Variants in NAALADL2 observed in about 807,000 individuals in gnomAD.
NAALADL2 encodes the protein inactive N-acetylated-alpha-linked acidic dipeptidase-like protein 2.
In NAALADL2, 76 loss-of-function variants were observed where a neutral mutation model predicts 87.2. The observed-to-expected ratio is 0.87, with a 90% confidence interval of 0.72 to 1.05. The LOEUF is 1.05. Ranked by LOEUF, NAALADL2 falls within the 50% of genes least tolerant of loss-of-function variation. The probability of loss-of-function intolerance (pLI) is 0.00; values close to 1 mark genes in which losing one functional copy is unlikely to be tolerated. For synonymous variants in NAALADL2, 354 were observed against 331.0 expected (o/e 1.07, Z -0.75); for missense variants, 1,089 against 945.8 (o/e 1.15, Z -1.99).
intron 11 of NAALADL2, among the ~76,000 whole-genome samples, chr3:175,669,986 T>C (rs1262125641): frequency 1.3e-5 from 2 of 152,012 alleles, no homozygotes; most frequent in African/African-American, 2.4e-5. Flanking sequence ...AAATCAGTAA[T>C]ATAAAAATGT....
rs148736479 is a variant in NAALADL2, at chr3:174,732,312, C to T, written c.-114-5329C>T. Among the ~76,000 whole-genome samples the T allele has an allele frequency of 7.7e-3, 1,162 of 151,768 alleles. 16 individuals carry two copies. The highest frequency in any genetic ancestry group is 0.027 in the Middle Eastern group (8 of 294). The stretch of plus-strand genomic sequence containing the variant: ...GCTGGAATAGATTTTATGAAATAAG[C>T]GAATCATGGAAAATAAGTAGAAACT... On this transcript the variant is annotated intron_variant, in intron 2 of 3. Coordinates refer to the NAALADL2 transcript ENST00000434257.
At chr3:175,648,492 C>CT (rs530477119) in intron 11 of NAALADL2, among the ~76,000 whole-genome samples, 9,700 of 127,608 alleles carry the variant, frequency 0.076, 469 homozygotes, top group African/African-American at 0.15. Context: ...AGACAATTTT[C>CT]TTTTTTTTTT....
chr3:174,947,646 TA>T (rs1377512828), intron 1 of NAALADL2, among the ~76,000 whole-genome samples: 4 of 152,094 alleles, frequency 2.6e-5, no homozygotes. Flanking sequence ...TGATAACTTT[TA>T]AGAAATCTTT....
At chr3:174,880,012 A>C (rs183031625) in intron 1 of NAALADL2, among the ~76,000 whole-genome samples, 17 of 151,986 alleles carry the variant, frequency 1.1e-4, no homozygotes, top group Non-Finnish European at 2.1e-4. Context: ...ACTCCTTGTT[A>C]ATCTCCTTTG....
chr3:175,231,207 G>A (rs62285900), intron 2 of NAALADL2, among the ~76,000 whole-genome samples: 26,487 of 151,774 alleles, frequency 0.17, 2,465 homozygotes, highest in East Asian at 0.25. Flanking sequence ...AAGCAACAAA[G>A]TCAGATTGAT....
At chr3:174,445,614 C>T (rs1714997314) in intron 1 of NAALADL2, among the ~76,000 whole-genome samples, 1 of 152,114 alleles carries the variant, frequency 6.6e-6, no homozygotes, top group South Asian at 2.1e-4. Context: ...CCCCTTCTAC[C>T]TCTCTTTCCT....
chr3:174,556,936 G>A (rs1449575074), intron 2 of NAALADL2, among the ~76,000 whole-genome samples: 2 of 152,046 alleles, frequency 1.3e-5, no homozygotes, highest in African/African-American at 4.8e-5. Context: ...TAGAGATGCG[G>A]TCTCACCATG....
intron 1 of NAALADL2, among the ~76,000 whole-genome samples, chr3:174,501,897 T>C (rs1354132731): frequency 6.6e-6 from 1 of 152,092 alleles, no homozygotes; most frequent in African/African-American, 2.4e-5. Context: ...TTTTGTTTCA[T>C]TAATTTTTAA....
intron 2 of NAALADL2, among the ~76,000 whole-genome samples, chr3:175,220,473 T>G (rs1743190080): frequency 6.6e-6 from 1 of 152,002 alleles, no homozygotes; most frequent in African/African-American, 2.4e-5. Flanking sequence ...TACAAAATTT[T>G]TAAATGCATT....
intron 11 of NAALADL2, among the ~76,000 whole-genome samples, chr3:175,674,320 C>T (rs949434538): frequency 2.0e-5 from 3 of 150,002 alleles, no homozygotes; most frequent in South Asian, 2.1e-4. Context: ...AGTGCAGTGG[C>T]GCGATCTCGG....
At chr3:175,646,193 G>T (rs539483445) in intron 11 of NAALADL2, among the ~76,000 whole-genome samples, 1 of 151,764 alleles carries the variant, frequency 6.6e-6, no homozygotes, top group East Asian at 1.9e-4. Flanking sequence ...TAACATTTCT[G>T]TCACCAATTA....
At chr3:174,685,560 A>G (rs755885424) in intron 2 of NAALADL2, among the ~76,000 whole-genome samples, 12 of 152,040 alleles carry the variant, frequency 7.9e-5, no homozygotes, top group Non-Finnish European at 1.6e-4. Context: ...ATGAACACCT[A>G]ATCTGAGGGT....
intron 1 of NAALADL2, among the ~76,000 whole-genome samples, chr3:175,095,589 G>A (rs988768213): frequency 2.6e-5 from 4 of 151,904 alleles, no homozygotes; most frequent in Admixed American, 2.6e-4. Context: ...TTAATTATAT[G>A]GGCCTCAGCT....
intron 1 of NAALADL2, among the ~76,000 whole-genome samples, chr3:174,895,686 AT>A (rs1418459172): frequency 6.6e-6 from 1 of 152,120 alleles, no homozygotes; most frequent in Non-Finnish European, 1.5e-5. Context: ...GTATGAGGCC[AT>A]TATCACCCTG....
chr3:175,210,284 T>C lies in NAALADL2; in HGVS notation c.546-23647T>C, dbSNP rs148141901. 4.3e-3 allele frequency among the ~76,000 whole-genome samples: 660 copies of C among 151,886 alleles called. 2 individuals are homozygous for C. Among genetic ancestry groups the C allele is most frequent in the Admixed American group, 8.2e-3 (125 of 15,232 alleles). ...ATGGTATATTATAAAGCATATTGTT[T>C]TTGCAATTAGTTAAGATAATATGGT... On this transcript the variant is annotated intron_variant, in intron 2 of 13. Coordinates refer to ENST00000454872, the MANE Select transcript of NAALADL2 (RefSeq NM_207015.3).
chr3:175,306,332 A>G (rs1353816297), intron 4 of NAALADL2, among the ~76,000 whole-genome samples: 3 of 152,120 alleles, frequency 2.0e-5, no homozygotes, highest in African/African-American at 7.2e-5. Flanking sequence ...TATTTATTTT[A>G]CCTATATAAG....
chr3:175,307,215 A>C (rs9858817), intron 4 of NAALADL2, among the ~76,000 whole-genome samples: 34,059 of 152,020 alleles, frequency 0.22, 4,183 homozygotes, highest in East Asian at 0.48. Context: ...AATAATGAGT[A>C]ATCTTAAAAA....
At chr3:174,999,361 ATATT>A (rs925528759) in intron 1 of NAALADL2, among the ~76,000 whole-genome samples, 1 of 152,118 alleles carries the variant, frequency 6.6e-6, no homozygotes, top group Non-Finnish European at 1.5e-5. Context: ...TCTTCTATAA[ATATT>A]TATTTTTAGA....
At chr3:175,580,712 T>C (rs1021641374) in intron 10 of NAALADL2, among the ~76,000 whole-genome samples, 3 of 152,200 alleles carry the variant, frequency 2.0e-5, no homozygotes, top group Non-Finnish European at 4.4e-5. Flanking sequence ...AAGGGGTTCA[T>C]TGGTGTTCTC....
Sources: gnomAD v4.1 joint callset for allele counts (sites outside exome capture counted in the v4.1 genomes callset) on GRCh38, gnomAD v4.1.1 for gene constraint, MANE v1.5 for transcripts, NCBI Gene and HGNC (gene_info 2026-07-23, HGNC 2026-07-21) for gene names.